The following TRIO variants were observed in gnomAD, a reference collection of about 807,000 sequenced individuals.
TRIO encodes the protein triple functional domain protein.
A neutral mutation model predicts 351.9 loss-of-function variants in TRIO; 58 were observed. That is an observed-to-expected ratio of 0.16 (90% CI 0.13 to 0.21). TRIO has a LOEUF of 0.21. Among genes scored for constraint, TRIO ranks in the 10% least tolerant of loss-of-function variants. TRIO has a pLI of 1.00. For missense variants in TRIO, 3,201 were observed against 4,027.8 expected (o/e 0.79, Z 5.56); for synonymous variants, 1,758 against 1,595.7 (o/e 1.10, Z -2.42).
At chr5:14,357,818 G>A (rs537974930) in intron 11 of TRIO, among the ~76,000 whole-genome samples, 4 of 152,326 alleles carry the variant, frequency 2.6e-5, no homozygotes, top group African/African-American at 2.4e-5. Flanking sequence ...ATGTTTCTGC[G>A]AACTGAGGGT....
At chr5:14,292,908 C>G in intron 5 of TRIO, 104 bp from the exon 6 acceptor site, 1 of 1,520,488 alleles carries the variant, frequency 6.6e-7, no homozygotes, top group Non-Finnish European at 9.0e-7. Flanking sequence ...TTGAAGTTGT[C>G]CAGGGAAGGA....
At chr5:14,315,948 A>G (rs191015829) in intron 8 of TRIO, among the ~76,000 whole-genome samples, 2 of 152,312 alleles carry the variant, frequency 1.3e-5, no homozygotes, top group Admixed American at 1.3e-4. Context: ...GGCATTTTAA[A>G]TTTTCTTTTG....
rs555497769 is a variant in TRIO, at chr5:14,300,894, GC to G, written c.1369-3566del. ...CATTTATTATAAACATGACATAGAT[GC>G]AAGTTCTAAATCTAGGAAATTTCCG... On this transcript the variant is annotated intron_variant, in intron 7 of 56. Transcript: ENST00000344204. 7.9e-5 allele frequency among the ~76,000 whole-genome samples: 12 copies of G among 152,270 alleles called. No homozygotes were observed. In the East Asian group the frequency reaches 2.3e-3, roughly 29 times the overall value.
chr5:14,392,110 A>G (rs2152365217), intron 27 of TRIO, among the ~76,000 whole-genome samples: 2 of 152,272 alleles, frequency 1.3e-5, no homozygotes, highest in South Asian at 4.2e-4. Flanking sequence ...AGAAACCCTT[A>G]TGCCCCAGCA....
intron 1 of TRIO, among the ~76,000 whole-genome samples, chr5:14,156,800 A>T (rs1788126551): frequency 6.6e-6 from 1 of 152,228 alleles, no homozygotes; most frequent in Non-Finnish European, 1.5e-5. Context: ...TTAGTCATCC[A>T]AACAAAACAG....
intron 34 of TRIO, 48 bp from the exon 35 acceptor site, chr5:14,460,971 G>A (rs766166874): frequency 1.8e-5 from 27 of 1,473,350 alleles, no homozygotes; most frequent in South Asian, 4.3e-5. Flanking sequence ...TCTTCACACC[G>A]GAGGGTCTGT....
chr5:14,414,873 G>T (rs955354309), intron 33 of TRIO, among the ~76,000 whole-genome samples: 1 of 152,234 alleles, frequency 6.6e-6, no homozygotes, highest in Non-Finnish European at 1.5e-5. Context: ...GAGTCTCCGT[G>T]AAGTTGCCCT....
chr5:14,387,481 G>A lies in TRIO; in HGVS notation c.3614G>A (p.Gly1205Asp), dbSNP rs1159706044. ...AAGCTATTGATACAGCTGGCTGATGGCTTTTGTGAAAAAGGGCATGCCCAT... is the reference window on the plus strand; with the variant it reads ...AAGCTATTGATACAGCTGGCTGATGACTTTTGTGAAAAAGGGCATGCCCAT... ...RVKLLIQLAD[G>D]FCEKGHAHAA... The change falls in exon 22 of 57, where the codon GGC (glycine) becomes GAC (aspartate). Residue 1205 changes from glycine to aspartate, a missense_variant. Gly to Asp is a moderately conservative substitution (Grantham distance 94). Around this residue, in one of 19 missense-constraint regions of TRIO, gnomAD observed 201 missense variants for 266.5 expected, o/e 0.75. Coordinates refer to ENST00000344204, the MANE Select transcript of TRIO (RefSeq NM_007118.4). The A allele has an allele frequency of 6.2e-7, 1 of 1,613,942 alleles. No individual in the cohort carries two copies.
Position 14,509,972 on chromosome 5 carries a change from G to A in TRIO, c.*1550G>A, listed in dbSNP as rs956678449. 1 of 152,166 alleles carries A rather than the reference G, an allele frequency of 6.6e-6. No individual in the cohort carries two copies. The highest frequency in any genetic ancestry group is 6.5e-5 in the Admixed American group (1 of 15,286). The allele number at this position is 152,166 out of a possible 1,614,324, so 9.4% of individuals were successfully genotyped here. A position where few individuals can be genotyped will look rare whatever the true frequency, so the allele number is the denominator to read the frequency against. ...GTTGGGTTTTTGTTTGTTTCTTCTT[G>A]TAAAATTGTACAGAAACTTTTTAAA... On this transcript the variant is annotated 3_prime_UTR_variant, in exon 57 of 57. Transcript: ENST00000344204.
Position 14,479,347 on chromosome 5 carries a change from T to A in TRIO, c.6240T>A (p.Phe2080Leu). 6.2e-7 allele frequency: 1 copy of A among 1,610,818 alleles called. No homozygotes were observed. Among genetic ancestry groups the A allele is most frequent in the Non-Finnish European group, 8.5e-7 (1 of 1,177,852 alleles). ...TCTCAGAATACATTGATACCTTTTT[T>A]GAGGTAAGACCTAAGATACAAACAG... is the stretch of plus-strand genomic sequence containing the variant. ...HIVSEYIDTF[F>L]EDLKQRLGHR... Residue 2080 changes from phenylalanine (F) to leucine (L), a missense_variant, in exon 42 of 57, where the codon TTT becomes TTA. Coordinates refer to ENST00000344204, the MANE Select transcript of TRIO (RefSeq NM_007118.4).
intron 13 of TRIO, 57 bp downstream of exon 13, chr5:14,359,588 A>G (rs1355461950): frequency 1.3e-6 from 2 of 1,584,216 alleles, no homozygotes; most frequent in African/African-American, 2.7e-5. Flanking sequence ...CTTCCTCCAC[A>G]GCACCGGCGC....
chr5:14,144,149 A>G (rs1007154550), intron 1 of TRIO, among the ~76,000 whole-genome samples: 1 of 152,030 alleles, frequency 6.6e-6, no homozygotes, highest in Non-Finnish European at 1.5e-5. Context: ...CCCTCGTTTT[A>G]GGGCAGAATC....
At chr5:14,159,111 C>T (rs1364706940) in intron 1 of TRIO, among the ~76,000 whole-genome samples, 1 of 152,182 alleles carries the variant, frequency 6.6e-6, no homozygotes, top group African/African-American at 2.4e-5. Context: ...GTGTCTCCTA[C>T]TCTGACGTGC....
chr5:14,478,784 TACAAAAAAAAAAAAA>T (rs1755292501), intron 41 of TRIO, among the ~76,000 whole-genome samples: 1 of 97,148 alleles, frequency 1.0e-5, no homozygotes, highest in Non-Finnish European at 1.9e-5. Flanking sequence ...ACTCCATCCC[TACAAAAAAAAAAAAA>T]AAAAAATTAA....
chr5:14,198,670 T>C (rs1790919460), intron 1 of TRIO, among the ~76,000 whole-genome samples: 1 of 152,252 alleles, frequency 6.6e-6, no homozygotes, highest in Non-Finnish European at 1.5e-5. Context: ...CTGGGCTCTG[T>C]AAACCTGAGC....
At chr5:14,336,753 G>T in intron 11 of TRIO, 26 bp downstream of exon 11, 1 of 1,612,680 alleles carries the variant, frequency 6.2e-7, no homozygotes, top group Non-Finnish European at 8.5e-7. Context: ...ACCAAAATAT[G>T]ATCTGTGCTT....
At chr5:14,345,654 A>G in intron 11 of TRIO, among the ~76,000 whole-genome samples, 1 of 152,144 alleles carries the variant, frequency 6.6e-6, no homozygotes, top group East Asian at 1.9e-4. Context: ...TCTGTCTCTC[A>G]GGTTCAAGCA....
intron 8 of TRIO, among the ~76,000 whole-genome samples, chr5:14,311,906 C>A (rs1185479678): frequency 6.6e-6 from 1 of 152,150 alleles, no homozygotes; most frequent in Non-Finnish European, 1.5e-5. Flanking sequence ...TTTGTTGTAT[C>A]TTGGGAATGC....
chr5:14,406,263 C>A (rs562822869), intron 32 of TRIO: 113 of 568,240 alleles, frequency 2.0e-4, no homozygotes, highest in African/African-American at 1.8e-3. Flanking sequence ...ATGTCTAACT[C>A]ATGCACATGA....
Sources: allele counts gnomAD v4.1 joint callset (sites outside exome capture counted in the v4.1 genomes callset), GRCh38; gene constraint gnomAD v4.1.1; regional missense constraint gnomAD v4.1.1; transcripts MANE v1.5; gene names NCBI Gene and HGNC (gene_info 2026-07-23, HGNC 2026-07-21).